SAMD5: variants seen among roughly 807,000 people sequenced by gnomAD.
SAMD5 encodes the protein sterile alpha motif domain-containing protein 5.
A neutral mutation model predicts 11.3 loss-of-function variants in SAMD5; 13 were observed. The ratio of observed to expected loss-of-function variants is 1.15; its 90% CI spans 0.75 to 1.83. The LOEUF (loss-of-function observed/expected upper bound fraction) is 1.83, where lower values mean the gene tolerates loss of function less well. Ranked by LOEUF, SAMD5 falls within the 40% of genes most tolerant of loss-of-function variation. The pLI, the probability that SAMD5 is intolerant of heterozygous loss-of-function variation, is 0.00. For missense variants in SAMD5, 255 were observed against 239.1 expected (o/e 1.07, Z -0.44); for synonymous variants, 129 against 111.3 (o/e 1.16, Z -1.00).
At chr6:147,759,340 C>T in the SAMD5 span, among the ~76,000 whole-genome samples, 1 of 152,126 alleles carries the variant, frequency 6.6e-6, no homozygotes, top group Non-Finnish European at 1.5e-5. Context: ...TTTAAATAGG[C>T]TTCAGACTGG....
chr6:147,610,416 G>T (rs1789766360), intron 1 of SAMD5, among the ~76,000 whole-genome samples: 1 of 152,272 alleles, frequency 6.6e-6, no homozygotes, highest in East Asian at 1.9e-4. Flanking sequence ...AGGCGACGTT[G>T]TATGTAAGCA....
chr6:147,593,876 C>T (rs1207928905), intron 1 of SAMD5, among the ~76,000 whole-genome samples: 1 of 152,086 alleles, frequency 6.6e-6, no homozygotes, highest in Non-Finnish European at 1.5e-5. Flanking sequence ...ACCTGTAATC[C>T]CAGCATTTTG....
intron 1 of SAMD5, among the ~76,000 whole-genome samples, chr6:147,660,265 A>G (rs1031348093): frequency 6.6e-6 from 1 of 152,176 alleles, no homozygotes; most frequent in African/African-American, 2.4e-5. Flanking sequence ...CATTTATTAC[A>G]TGGAAGTGCA....
the SAMD5 span, among the ~76,000 whole-genome samples, chr6:147,908,711 T>C: frequency 2.0e-5 from 3 of 152,066 alleles, no homozygotes; most frequent in Non-Finnish European, 4.4e-5. Flanking sequence ...ACTGAAACAA[T>C]AGGAGAAAAT....
At chr6:147,735,367 T>C (rs1013806408) in intron 1 of SAMD5, among the ~76,000 whole-genome samples, 2 of 152,300 alleles carry the variant, frequency 1.3e-5, no homozygotes, top group Admixed American at 1.3e-4. Context: ...AATGACTTTT[T>C]TGTGTGTGAA....
At chr6:147,702,951 T>C (rs553260953) in intron 1 of SAMD5, among the ~76,000 whole-genome samples, 2 of 152,292 alleles carry the variant, frequency 1.3e-5, no homozygotes, top group Admixed American at 1.3e-4. Flanking sequence ...TGTCCAGAAA[T>C]TGAAGGTGGG....
chr6:147,683,907 T>C (rs1352398206), intron 1 of SAMD5, among the ~76,000 whole-genome samples: 1 of 152,192 alleles, frequency 6.6e-6, no homozygotes, highest in African/African-American at 2.4e-5. Context: ...TAATTACAAA[T>C]ATTTATATTA....
At chr6:147,606,872 A>G (rs1414080507) in intron 1 of SAMD5, among the ~76,000 whole-genome samples, 1 of 151,952 alleles carries the variant, frequency 6.6e-6, no homozygotes, top group Non-Finnish European at 1.5e-5. Context: ...TGTTCCAGAG[A>G]ATGTATTTTC....
the SAMD5 span, among the ~76,000 whole-genome samples, chr6:147,842,892 C>G: frequency 6.6e-6 from 1 of 152,142 alleles, no homozygotes; most frequent in Admixed American, 6.5e-5. Flanking sequence ...TAGAAGGAGT[C>G]TCTGCCACCC....
intron 1 of SAMD5, among the ~76,000 whole-genome samples, chr6:147,695,640 C>T (rs961465103): frequency 2.0e-5 from 3 of 152,128 alleles, no homozygotes; most frequent in African/African-American, 7.2e-5. Context: ...TACTTAGAGT[C>T]TTCTATGTGC....
intron 1 of SAMD5, among the ~76,000 whole-genome samples, chr6:147,728,541 T>C (rs1016496901): frequency 2.6e-5 from 4 of 152,208 alleles, no homozygotes; most frequent in Admixed American, 6.5e-5. Context: ...CTGGATCCCA[T>C]TGCCAATTTG....
intron 1 of SAMD5, among the ~76,000 whole-genome samples, chr6:147,513,323 A>G (rs983841685): frequency 2.0e-5 from 3 of 152,224 alleles, no homozygotes; most frequent in African/African-American, 7.2e-5. Flanking sequence ...GCCACTTATG[A>G]CAGTAGGACA....
chr6:147,604,502 T>G lies in SAMD5; in HGVS notation c.162+95115T>G, dbSNP rs760722698. Among the ~76,000 whole-genome samples the G allele has an allele frequency of 5.6e-4, 86 of 152,342 alleles. 2 individuals carry two copies. The highest frequency in any genetic ancestry group is 2.6e-4 in the Non-Finnish European group (18 of 68,028). On this transcript the variant is annotated intron_variant, in intron 1 of 1. Transcript: ENST00000566741. The stretch of plus-strand genomic sequence containing the variant: ...ACGTTCAAGAGAGGGAAAAACATAG[T>G]TGGCAGAATTGGGGAGTTTTGAAAC...
chr6:147,784,462 A>G, the SAMD5 span, among the ~76,000 whole-genome samples: 12,062 of 152,222 alleles, frequency 0.079, 749 homozygotes, highest in African/African-American at 0.17. Context: ...TGTTTCCCAT[A>G]TAAGCTGAAA....
At chr6:147,727,186 A>G (rs1213467281) in intron 1 of SAMD5, among the ~76,000 whole-genome samples, 2 of 152,178 alleles carry the variant, frequency 1.3e-5, no homozygotes, top group African/African-American at 2.4e-5. Context: ...ACCACAGGGA[A>G]TCATTTCCAT....
chr6:147,845,966 A>G, the SAMD5 span, among the ~76,000 whole-genome samples: 2 of 152,318 alleles, frequency 1.3e-5, no homozygotes, highest in African/African-American at 4.8e-5. Context: ...CAAGTTAGAA[A>G]CAACCCAGGT....
At chr6:147,935,866 T>G in the SAMD5 span, among the ~76,000 whole-genome samples, 1 of 152,204 alleles carries the variant, frequency 6.6e-6, no homozygotes, top group African/African-American at 2.4e-5. Context: ...TTAGTAATTC[T>G]GGGGCTAAAC....
At chr6:147,694,723 G>A (rs1791151952) in intron 1 of SAMD5, among the ~76,000 whole-genome samples, 1 of 152,114 alleles carries the variant, frequency 6.6e-6, no homozygotes, top group African/African-American at 2.4e-5. Context: ...AGGCTGAGGT[G>A]GGAGGATTGC....
chr6:147,707,419 T>C (rs1791338851), intron 1 of SAMD5, among the ~76,000 whole-genome samples: 2 of 152,166 alleles, frequency 1.3e-5, no homozygotes, highest in Admixed American at 1.3e-4. Context: ...AAGGCTGCAA[T>C]GGTGTTAAAG....
Sources: gnomAD v4.1 joint callset for allele counts (sites outside exome capture counted in the v4.1 genomes callset) on GRCh38, gnomAD v4.1.1 for gene constraint, MANE v1.5 for transcripts, NCBI Gene and HGNC (gene_info 2026-07-23, HGNC 2026-07-21) for gene names.